Variants in SPINT1 observed in about 807,000 individuals in gnomAD.
The protein encoded by SPINT1 is kunitz-type protease inhibitor 1.
SPINT1 carries 38 observed loss-of-function variants against 53.7 expected under a neutral mutation model. The observed-to-expected ratio is 0.71, with a 90% CI of 0.55 to 0.93. The LOEUF is 0.93. Ranked by LOEUF, SPINT1 falls within the 40% of genes least tolerant of loss-of-function variation. The pLI, the probability that SPINT1 is intolerant of heterozygous loss-of-function variation, is 0.00. For missense variants in SPINT1, 645 were observed against 692.9 expected, an observed-to-expected ratio of 0.93 and a Z score of 0.78; for synonymous variants, 283 against 280.6, an observed-to-expected ratio of 1.01 and a Z score of -0.08.
rs1401806980 is a variant in SPINT1, at chr15:40,853,533, C to T, written c.648C>T (p.Gly216=). ...TGGAACTGTGGGGACTCAAGGAAGG[C>T]ACCTACCTGTTCCAGCTGACAGTGA... is the stretch of plus-strand genomic sequence containing the variant. The part of the protein sequence containing the change: ...NQVELWGLKE[G]TYLFQLTVTS... Residue 216 remains glycine (G), a synonymous_variant, in exon 4 of 11, where the codon GGC becomes GGT. Coordinates refer to ENST00000562057, the MANE Select transcript of SPINT1 (RefSeq NM_003710.4). 4 of 1,613,990 alleles carry T rather than the reference C, an allele frequency of 2.5e-6. No homozygotes were observed. In the Admixed American group the frequency reaches 5.0e-5, roughly 20 times the overall value.
intron 2 of SPINT1, among the ~76,000 whole-genome samples, chr15:40,848,217 T>C (rs753162767): frequency 2.4e-4 from 36 of 152,296 alleles, no homozygotes; most frequent in Middle Eastern, 3.4e-3. Context: ...GGCTCTGCTT[T>C]CTCTACTTCA....
At position 40,853,276 on chromosome 15, in the gene SPINT1, C is replaced by A. The variant is rs759751294; in HGVS notation, c.603+25C>A. On this transcript the variant is annotated intron_variant, in intron 3 of 10. Coordinates refer to ENST00000562057, the MANE Select transcript of SPINT1 (RefSeq NM_003710.4). ...GGTGAGACACTGGGCTGACTCTGAC[C>A]CCGCCCTCTGCCTGCCAGCCTTCTT... The A allele has an allele frequency of 3.7e-6, 6 of 1,613,518 alleles. No individual in the cohort carries two copies. The East Asian group carries it at 1.1e-4, about 30-fold the overall frequency.
rs1943540500 is a variant in SPINT1 at position 40,855,883 on chromosome 15, AC to A, written c.1118-3del. On this transcript the variant is annotated splice_polypyrimidine_tract_variant and splice_region_variant and intron_variant, in intron 8 of 10. Transcript: ENST00000562057. Reference sequence around the variant, plus strand: ...ACTCGCTCACCATAGCCTACCCCATACCCCCCAGGGCACTGCGTGGACCTGC... The same window carrying A: ...ACTCGCTCACCATAGCCTACCCCATACCCCCAGGGCACTGCGTGGACCTGC... 6.2e-7 allele frequency: 1 copy of A among 1,608,232 alleles called. No individual in the cohort carries two copies. Among genetic ancestry groups the A allele is most frequent in the Non-Finnish European group, 8.5e-7 (1 of 1,175,844 alleles).
intron 2 of SPINT1, among the ~76,000 whole-genome samples, chr15:40,849,034 C>G (rs577079725): frequency 6.6e-6 from 1 of 151,142 alleles, no homozygotes; most frequent in Admixed American, 6.6e-5. Flanking sequence ...ATCACGAGGT[C>G]GGGAGATTGA....
At chr15:40,853,331 C>T in intron 3 of SPINT1, 80 bp downstream of exon 3, 1 of 1,606,484 alleles carries the variant, frequency 6.2e-7, no homozygotes, top group Admixed American at 1.7e-5. Context: ...CTAGGCCAAC[C>T]AATGGCCCCG....
chr15:40,854,923 A>T (rs1891589019), intron 8 of SPINT1, among the ~76,000 whole-genome samples: 1 of 152,158 alleles, frequency 6.6e-6, no homozygotes, highest in Non-Finnish European at 1.5e-5. Flanking sequence ...CACCTTCATA[A>T]CTTCAGCCAT....
chr15:40,848,825 CTG>C (rs1891367854), intron 2 of SPINT1, among the ~76,000 whole-genome samples: 1 of 152,248 alleles, frequency 6.6e-6, no homozygotes, highest in East Asian at 1.9e-4. Context: ...CTCTCTCTCT[CTG>C]TCTCATACAT....
intron 2 of SPINT1, among the ~76,000 whole-genome samples, chr15:40,845,898 G>T (rs1226448691): frequency 1.3e-5 from 2 of 152,230 alleles, no homozygotes; most frequent in Non-Finnish European, 2.9e-5. Context: ...CCCTAGGAAT[G>T]CATTGGCCTT....
chr15:40,849,225 A>G (rs961165837), intron 2 of SPINT1, among the ~76,000 whole-genome samples: 4 of 151,812 alleles, frequency 2.6e-5, no homozygotes, highest in Non-Finnish European at 5.9e-5. Flanking sequence ...CAGTCTGGGC[A>G]ACAGAGCAAC....
chr15:40,854,683 G>A lies in SPINT1; in HGVS notation c.1111G>A (p.Asp371Asn). 6.2e-7 allele frequency: 1 copy of A among 1,614,112 alleles called. No individual in the cohort carries two copies. The highest frequency in any genetic ancestry group is 8.5e-7 in the Non-Finnish European group (1 of 1,180,032). Residue 371 changes from aspartate to asparagine, a missense_variant, in exon 8 of 11, where the codon GAC (aspartate) becomes AAC (asparagine). Transcript: ENST00000562057. ...GCTCCAGCGCATCCATTTCCCCAGT[G>A]ACAAAGGTGAGATCCTCCCCAGGTG... ...DELQRIHFPSDKGHCVDLPDT... is the reference protein window; with the variant it reads ...DELQRIHFPSNKGHCVDLPDT...
chr15:40,849,052 C>A (rs1245140999), intron 2 of SPINT1, among the ~76,000 whole-genome samples: 1 of 151,838 alleles, frequency 6.6e-6, no homozygotes, highest in Non-Finnish European at 1.5e-5. Context: ...TGAGACCATC[C>A]TGGCTAACAC....
In SPINT1 at chr15:40,853,873, G is replaced by T. The variant is rs774428982; in HGVS notation, c.905G>T (p.Gly302Val). The change falls in exon 5 of 11, where the codon GGT (glycine) becomes GTT (valine). Residue 302 changes from glycine (G) to valine (V), a missense_variant. By Grantham distance (109) the Gly-to-Val change is moderately radical. Transcript: ENST00000562057. ...GAAGAGTGCATTCTAGCCTGTCGGG[G>T]TGTGCAAGGTGGGCCTTTGAGAGGC... is the stretch of plus-strand genomic sequence containing the variant. ...REEECILACR[G>V]VQGPSMERRH... The T allele has an allele frequency of 2.5e-6, 4 of 1,614,092 alleles. No individual in the cohort carries two copies. The highest frequency in any genetic ancestry group is 3.4e-6 in the Non-Finnish European group (4 of 1,180,046).
Position 40,844,443 on chromosome 15 carries a change from G to A in SPINT1, c.-65-47G>A. The A allele has an allele frequency of 8.9e-7, 1 of 1,122,330 alleles. No homozygotes were observed. Among genetic ancestry groups the A allele is most frequent in the Non-Finnish European group, 1.3e-6 (1 of 749,744 alleles). The allele number at this position is 1,122,330 out of a possible 1,614,324, so 69.5% of individuals were successfully genotyped here. ...CGGCCCGCCTCCTCCAAAGTCTCCCGGGCTGATCAGGTGTGTCTCCTCCTC... is the reference window on the plus strand; with the variant it reads ...CGGCCCGCCTCCTCCAAAGTCTCCCAGGCTGATCAGGTGTGTCTCCTCCTC... On this transcript the variant is annotated intron_variant, in intron 1 of 10. Coordinates refer to ENST00000562057, the MANE Select transcript of SPINT1 (RefSeq NM_003710.4). This position sits in a 1 kb window ranked among gnomAD's most constrained non-coding sequence, Gnocchi z 5.8.
chr15:40,853,348 A>G, intron 3 of SPINT1, 97 bp downstream of exon 3: 6 of 1,602,374 alleles, frequency 3.7e-6, no homozygotes, highest in Middle Eastern at 3.6e-4. Context: ...CCCGGATGGG[A>G]TGGGGTGGAG....
Position 40,844,275 on chromosome 15 carries a change from C to G in SPINT1, c.-66+89C>G, listed in dbSNP as rs1029445970. ...CTTTGTTCTGCGCTCGTGCGTGTGTCCGGGTACTTGAGCTCCCTAGCGGTC... is the reference window on the plus strand; with the variant it reads ...CTTTGTTCTGCGCTCGTGCGTGTGTGCGGGTACTTGAGCTCCCTAGCGGTC... On this transcript the variant is annotated intron_variant, in intron 1 of 10. Coordinates refer to ENST00000562057, the MANE Select transcript of SPINT1 (RefSeq NM_003710.4). The surrounding 1 kb of genome is among the most constrained non-coding windows in gnomAD (Gnocchi z 5.8). 15 of 547,786 alleles carry G rather than the reference C, an allele frequency of 2.7e-5. No individual in the cohort carries two copies. Among genetic ancestry groups the G allele is most frequent in the Non-Finnish European group, 9.8e-6 (3 of 307,208 alleles). 33.9% of individuals were successfully genotyped at this position (547,786 alleles called of 1,614,324 possible).
At chr15:40,851,696 G>T (rs1891462283) in intron 2 of SPINT1, among the ~76,000 whole-genome samples, 1 of 152,144 alleles carries the variant, frequency 6.6e-6, no homozygotes, top group Admixed American at 6.6e-5. Flanking sequence ...TCCTAGAGCT[G>T]CTGTAACAGA....
rs750538694 is a variant in SPINT1 at position 40,844,577 on chromosome 15, C to T, written c.23C>T (p.Ala8Val). The T allele has an allele frequency of 1.2e-5, 20 of 1,609,768 alleles. No homozygotes were observed. The highest frequency in any genetic ancestry group is 1.2e-5 in the Non-Finnish European group (14 of 1,178,912). The change falls in exon 2 of 11, where the codon GCC becomes GTC. Residue 8 changes from alanine (A) to valine (V), a missense_variant. Physicochemically the swap from Ala to Val is moderately conservative, Grantham distance 64 (BLOSUM62 0). Transcript: ENST00000562057. This position sits in a 1 kb window ranked among gnomAD's most constrained non-coding sequence, Gnocchi z 5.8. ...GCGATGGCCCCTGCGAGGACGATGG[C>T]CCGCGCCCGCCTCGCCCCGGCCGGC... is the stretch of plus-strand genomic sequence containing the variant. The part of the protein sequence containing the change: MAPARTM[A>V]RARLAPAGIP...
intron 8 of SPINT1, among the ~76,000 whole-genome samples, chr15:40,855,481 C>T (rs559612135): frequency 8.2e-4 from 125 of 152,176 alleles, no homozygotes; most frequent in African/African-American, 2.8e-3. Flanking sequence ...ACCAGCCAGG[C>T]GTGGTGGCTT....
At chr15:40,850,083 T>C (rs1891413297) in intron 2 of SPINT1, among the ~76,000 whole-genome samples, 1 of 152,170 alleles carries the variant, frequency 6.6e-6, no homozygotes, top group Non-Finnish European at 1.5e-5. Flanking sequence ...CTTTTCTTTC[T>C]TTTTTTGAGA....
Sources: gnomAD v4.1 joint callset for allele counts (sites outside exome capture counted in the v4.1 genomes callset) on GRCh38, gnomAD v4.1.1 for gene constraint, Gnocchi (gnomAD v3.1) non-coding constraint, MANE v1.5 for transcripts, NCBI Gene and HGNC (gene_info 2026-07-23, HGNC 2026-07-21) for gene names.